TENM1: variants seen among roughly 807,000 people sequenced by gnomAD.
TENM1 encodes teneurin transmembrane protein 1.
A neutral mutation model predicts 174.8 loss-of-function variants in TENM1; 35 were observed. That is an observed-to-expected ratio of 0.20 (90% CI 0.15 to 0.27). TENM1 has a LOEUF of 0.27. Among genes scored for constraint, TENM1 ranks in the 10% least tolerant of loss-of-function variants. TENM1 has a pLI of 1.00. For missense variants in TENM1, 1,633 were observed against 2,130.1 expected, an observed-to-expected ratio of 0.77 and a Z score of 4.59; for synonymous variants, 781 against 798.7, an observed-to-expected ratio of 0.98 and a Z score of 0.37.
At chrX:124,558,526 G>T in intron 14 of TENM1, among the ~76,000 whole-genome samples, 1 of 110,921 alleles carries the variant, frequency 9.0e-6, no homozygotes, top group African/African-American at 3.3e-5. Context: ...CAAACAAGTA[G>T]ACTAATATTA....
At chrX:124,869,164 C>T (rs1259361158) in intron 3 of TENM1, among the ~76,000 whole-genome samples, 3 of 108,803 alleles carry the variant, frequency 2.8e-5, no homozygotes, top group Non-Finnish European at 5.7e-5. Context: ...ACCTGGGAGG[C>T]GGAGGTTGCA....
chrX:124,934,911 A>G (rs1350575211), intron 1 of TENM1, among the ~76,000 whole-genome samples: 1 of 110,759 alleles, frequency 9.0e-6, no homozygotes, highest in African/African-American at 3.3e-5. Context: ...TTGTATAGGT[A>G]TCACTTATTG....
chrX:124,953,913 T>C (rs926007585), intron 1 of TENM1, among the ~76,000 whole-genome samples: 3 of 111,690 alleles, frequency 2.7e-5, no homozygotes, highest in African/African-American at 9.8e-5. Flanking sequence ...GGCTCAGAGA[T>C]AGACCACAGA....
intron 11 of TENM1, among the ~76,000 whole-genome samples, chrX:124,641,073 G>T (rs1247888370): frequency 9.0e-6 from 1 of 111,120 alleles, no homozygotes; most frequent in East Asian, 2.8e-4. Context: ...TCACTAGGTG[G>T]AAGTACAATA....
exon 32 of TENM1, chrX:124,380,279 A>G: frequency 3.5e-6 from 1 of 287,048 alleles, no homozygotes; most frequent in East Asian, 5.6e-5. Flanking sequence ...CTTTCTGAAA[A>G]CTGTTTTTAG....
chrX:125,124,432 G>T, the TENM1 span, among the ~76,000 whole-genome samples: 1 of 111,338 alleles, frequency 9.0e-6, no homozygotes, highest in Non-Finnish European at 1.9e-5. Flanking sequence ...ATGAGCACTG[G>T]GTCATTTGGT....
At chrX:124,452,430 C>A (rs1364099108) in intron 23 of TENM1, among the ~76,000 whole-genome samples, 1 of 112,035 alleles carries the variant, frequency 8.9e-6, no homozygotes, top group Non-Finnish European at 1.9e-5. Flanking sequence ...GTGGGACTGT[C>A]AACTGGTTCA....
chrX:124,730,145 C>A (rs765312554), intron 4 of TENM1, among the ~76,000 whole-genome samples: 1 of 110,979 alleles, frequency 9.0e-6, no homozygotes, highest in Non-Finnish European at 1.9e-5. Flanking sequence ...GTTGGGATTA[C>A]AGGTGTGAGC....
chrX:124,437,332 G>A (rs1324894684), intron 23 of TENM1, among the ~76,000 whole-genome samples: 1 of 110,167 alleles, frequency 9.1e-6, no homozygotes, highest in Non-Finnish European at 1.9e-5. Context: ...TTGTAGGTCA[G>A]TGGTAACAGA....
chrX:124,596,922 T>C (rs2049906670), intron 11 of TENM1, among the ~76,000 whole-genome samples: 1 of 111,143 alleles, frequency 9.0e-6, no homozygotes, highest in African/African-American at 3.3e-5. Context: ...TATGAAAAAA[T>C]GCTCAACATC....
At chrX:125,132,749 T>C in the TENM1 span, among the ~76,000 whole-genome samples, 1 of 111,959 alleles carries the variant, frequency 8.9e-6, no homozygotes, top group African/African-American at 3.2e-5. Flanking sequence ...CCCAAAGTCA[T>C]ACTGGTAGAA....
chrX:125,195,655 A>G, the TENM1 span, among the ~76,000 whole-genome samples: 1 of 111,959 alleles, frequency 8.9e-6, no homozygotes, highest in South Asian at 3.7e-4. Context: ...AACAGGAAAG[A>G]TATATCACAA....
chrX:125,099,129 G>A, the TENM1 span, among the ~76,000 whole-genome samples: 1 of 112,123 alleles, frequency 8.9e-6, no homozygotes, highest in Non-Finnish European at 1.9e-5. Flanking sequence ...GTGTTAAGAG[G>A]TATTTCTAAT....
intron 11 of TENM1, among the ~76,000 whole-genome samples, chrX:124,627,593 T>A (rs1335772338): frequency 8.9e-6 from 1 of 111,856 alleles, no homozygotes; most frequent in African/African-American, 3.2e-5. Context: ...CCTCTGTCCA[T>A]GTCCCTTATA....
chrX:125,023,886 G>GA, the TENM1 span, among the ~76,000 whole-genome samples: 3 of 110,257 alleles, frequency 2.7e-5, no homozygotes, highest in Non-Finnish European at 3.8e-5. Context: ...AACTCAACAA[G>GA]AAAAAAAATA....
At chrX:125,111,311 G>A in the TENM1 span, among the ~76,000 whole-genome samples, 1 of 111,282 alleles carries the variant, frequency 9.0e-6, no homozygotes, top group Non-Finnish European at 1.9e-5. Flanking sequence ...GCTTATGCCT[G>A]TAATCCCAGA....
intron 5 of TENM1, among the ~76,000 whole-genome samples, chrX:124,672,740 G>A (rs1458123821): frequency 9.0e-6 from 1 of 111,541 alleles, no homozygotes; most frequent in African/African-American, 3.3e-5. Context: ...AAGATTATGC[G>A]GCTGCTAAAA....
chrX:124,640,834 G>C (rs778891140), intron 11 of TENM1, among the ~76,000 whole-genome samples: 1 of 109,639 alleles, frequency 9.1e-6, no homozygotes, highest in South Asian at 3.9e-4. Context: ...GGTGTCACGC[G>C]CCTGTAGTCC....
chrX:124,626,866 G>A (rs1290472237), intron 11 of TENM1, among the ~76,000 whole-genome samples: 2 of 112,147 alleles, frequency 1.8e-5, no homozygotes, highest in Admixed American at 1.9e-4. Flanking sequence ...ATACTGAATA[G>A]TAGGATGTGG....
Sources: allele counts gnomAD v4.1 joint callset (sites outside exome capture counted in the v4.1 genomes callset), GRCh38; gene constraint gnomAD v4.1.1; transcripts MANE v1.5; gene names NCBI Gene and HGNC (gene_info 2026-07-23, HGNC 2026-07-21).